The following HERC3 variants were observed in gnomAD, a reference collection of about 807,000 sequenced individuals.
HERC3 encodes probable E3 ubiquitin-protein ligase HERC3.
A neutral mutation model predicts 129.9 loss-of-function variants in HERC3; 58 were observed. The ratio of observed to expected loss-of-function variants is 0.45; its 90% confidence interval spans 0.36 to 0.56. HERC3 has a LOEUF of 0.56. Ranked by LOEUF, HERC3 falls within the 20% of genes least tolerant of loss-of-function variation. The pLI is 0.00. For missense variants in HERC3, 835 were observed against 1,244.2 expected (o/e 0.67, Z 4.95); for synonymous variants, 430 against 451.0 (o/e 0.95, Z 0.59).
intron 2 of HERC3, among the ~76,000 whole-genome samples, 155 bp from the exon 3 acceptor site, chr4:88,605,640 C>T (rs541919565): frequency 2.7e-4 from 41 of 152,218 alleles, no homozygotes; most frequent in African/African-American, 8.7e-4. Flanking sequence ...AACATAACTG[C>T]TTTCAACAGT....
At chr4:88,675,359 T>C (rs1322824213) in intron 16 of HERC3, among the ~76,000 whole-genome samples, 1 of 152,222 alleles carries the variant, frequency 6.6e-6, no homozygotes, top group Non-Finnish European at 1.5e-5. Flanking sequence ...AATGCAGTTA[T>C]TCAAACAAAT....
At chr4:88,704,487 C>A in intron 24 of HERC3, 21 bp from the exon 25 acceptor site, 1 of 1,503,640 alleles carries the variant, frequency 6.7e-7, no homozygotes, top group Non-Finnish European at 9.2e-7. Context: ...ACATTTTTTT[C>A]TTTTTCTCTT....
intron 12 of HERC3, 27 bp downstream of exon 12, chr4:88,664,239 C>T: frequency 1.9e-6 from 3 of 1,569,810 alleles, no homozygotes; most frequent in Non-Finnish European, 2.6e-6. Flanking sequence ...CTTAAAAAAC[C>T]CTCACGTGTA....
chr4:88,656,694 G>C (rs1421900528), intron 9 of HERC3: 1 of 152,276 alleles, frequency 6.6e-6, no homozygotes, highest in Non-Finnish European at 1.5e-5. Flanking sequence ...AGACCTTGGT[G>C]GTGGTGTATA....
chr4:88,635,048 A>G (rs1032979500), intron 3 of HERC3, among the ~76,000 whole-genome samples: 1 of 152,158 alleles, frequency 6.6e-6, no homozygotes, highest in African/African-American at 2.4e-5. Context: ...AGGATGAGAA[A>G]GAATCAATGA....
chr4:88,681,901 TA>T (rs1732822043), intron 21 of HERC3, among the ~76,000 whole-genome samples: 1 of 152,248 alleles, frequency 6.6e-6, no homozygotes, highest in South Asian at 2.1e-4. Flanking sequence ...TATCAAATAC[TA>T]GGTCATATTT....
chr4:88,666,014 G>T (rs1731009402), intron 12 of HERC3, among the ~76,000 whole-genome samples: 1 of 152,152 alleles, frequency 6.6e-6, no homozygotes, highest in Non-Finnish European at 1.5e-5. Context: ...GTAGAACCCA[G>T]CGATGCTGCT....
the HERC3 span, among the ~76,000 whole-genome samples, chr4:88,540,093 ATGAG>A: frequency 6.6e-6 from 1 of 152,232 alleles, no homozygotes; most frequent in Admixed American, 6.5e-5. Context: ...AATGACTTTG[ATGAG>A]TTGACAGAAG....
intron 23 of HERC3, chr4:88,693,006 A>T: frequency 6.1e-6 from 6 of 977,066 alleles, no homozygotes; most frequent in Non-Finnish European, 7.3e-6. Flanking sequence ...TAATATACAT[A>T]TGGAATGGAA....
At chr4:88,625,951 TTA>T in intron 3 of HERC3, among the ~76,000 whole-genome samples, 1 of 152,188 alleles carries the variant, frequency 6.6e-6, no homozygotes, top group East Asian at 1.9e-4. Flanking sequence ...ATTGCATTGA[TTA>T]TGTTTGAGTA....
the HERC3 span, among the ~76,000 whole-genome samples, chr4:88,582,786 C>G: frequency 6.6e-6 from 1 of 152,188 alleles, no homozygotes; most frequent in African/African-American, 2.4e-5. Context: ...CTGCCACCTT[C>G]CCTAGAGCAC....
the HERC3 span, among the ~76,000 whole-genome samples, chr4:88,556,380 C>G: frequency 2.6e-5 from 4 of 152,162 alleles, no homozygotes; most frequent in Admixed American, 6.5e-5. Flanking sequence ...AAACCACACT[C>G]TTTAGCAGCA....
chr4:88,546,037 C>A, the HERC3 span, among the ~76,000 whole-genome samples: 1 of 152,094 alleles, frequency 6.6e-6, no homozygotes, highest in Non-Finnish European at 1.5e-5. Flanking sequence ...ACACTAAAAA[C>A]AATCCCTAAG....
intron 20 of HERC3, among the ~76,000 whole-genome samples, chr4:88,680,538 A>G (rs1578303991): frequency 6.6e-6 from 1 of 152,370 alleles, no homozygotes; most frequent in African/African-American, 2.4e-5. Context: ...TGGAAGGTCA[A>G]TAATCAAATA....
intron 25 of HERC3, 40 bp from the exon 26 acceptor site, chr4:88,706,712 C>A (rs377114028): frequency 1.9e-6 from 3 of 1,554,098 alleles, no homozygotes; most frequent in South Asian, 1.1e-5. Context: ...ATCCATTTTC[C>A]GTTTGCTTAG....
chr4:88,579,232 A>T, the HERC3 span, among the ~76,000 whole-genome samples: 12,964 of 102,936 alleles, frequency 0.13, 684 homozygotes, highest in African/African-American at 0.32. Context: ...AAAAAAAAAA[A>T]ATATATATAT....
At chr4:88,535,933 G>A in the HERC3 span, among the ~76,000 whole-genome samples, 1 of 152,268 alleles carries the variant, frequency 6.6e-6, no homozygotes, top group East Asian at 1.9e-4. Context: ...TAGAAAGATG[G>A]GAGTGCATCC....
chr4:88,643,589 G>A (rs1305233229), intron 3 of HERC3, among the ~76,000 whole-genome samples: 1 of 152,148 alleles, frequency 6.6e-6, no homozygotes, highest in Non-Finnish European at 1.5e-5. Context: ...CACAAATGTG[G>A]TTAATTGACT....
intron 20 of HERC3, among the ~76,000 whole-genome samples, chr4:88,680,646 G>C (rs570224984): frequency 6.6e-6 from 1 of 152,200 alleles, no homozygotes; most frequent in African/African-American, 2.4e-5. Flanking sequence ...TTTTAAAGGC[G>C]TTCTAATTTC....
Sources: gnomAD v4.1 joint callset for allele counts (sites outside exome capture counted in the v4.1 genomes callset) on GRCh38, gnomAD v4.1.1 for gene constraint, MANE v1.5 for transcripts, NCBI Gene and HGNC (gene_info 2026-07-23, HGNC 2026-07-21) for gene names.